SLC24A2: variants seen among roughly 807,000 people sequenced by gnomAD.
SLC24A2 encodes the protein sodium/potassium/calcium exchanger 2.
Under a neutral mutation model 62.0 loss-of-function variants are expected in SLC24A2, and 36 were observed. The observed-to-expected ratio is 0.58, with a 90% confidence interval of 0.44 to 0.77. The LOEUF is 0.77. SLC24A2 is among the 30% of genes least tolerant of loss of function. SLC24A2 has a pLI of 0.00. For missense variants in SLC24A2, 846 were observed against 817.9 expected, an observed-to-expected ratio of 1.03 and a Z score of -0.42; for synonymous variants, 358 against 294.0, an observed-to-expected ratio of 1.22 and a Z score of -2.23.
the SLC24A2 span, among the ~76,000 whole-genome samples, chr9:19,863,088 G>A: frequency 6.6e-4 from 101 of 152,088 alleles, no homozygotes; most frequent in Non-Finnish European, 1.0e-3. Flanking sequence ...CCAAAAAAGA[G>A]CAGGAGTTGC....
chr9:20,014,795 G>C, the SLC24A2 span, among the ~76,000 whole-genome samples: 1 of 151,986 alleles, frequency 6.6e-6, no homozygotes, highest in East Asian at 1.9e-4. Context: ...TAGACAGAAG[G>C]AATAGCTTTT....
chr9:19,965,499 C>G, the SLC24A2 span, among the ~76,000 whole-genome samples: 2 of 152,132 alleles, frequency 1.3e-5, no homozygotes, highest in African/African-American at 4.8e-5. Context: ...AATAGAAGCT[C>G]TGAGAAAATA....
chr9:20,015,724 T>C, the SLC24A2 span, among the ~76,000 whole-genome samples: 1 of 152,164 alleles, frequency 6.6e-6, no homozygotes, highest in African/African-American at 2.4e-5. Flanking sequence ...AGACAGGAAA[T>C]GGGTGGTGGA....
At chr9:20,288,910 G>T in the SLC24A2 span, among the ~76,000 whole-genome samples, 1 of 152,146 alleles carries the variant, frequency 6.6e-6, no homozygotes, top group Non-Finnish European at 1.5e-5. Flanking sequence ...GTCATATGTA[G>T]GTGTTCCAGC....
At chr9:20,178,674 A>T in the SLC24A2 span, among the ~76,000 whole-genome samples, 2 of 152,174 alleles carry the variant, frequency 1.3e-5, no homozygotes, top group African/African-American at 2.4e-5. Flanking sequence ...TAAACTTAAC[A>T]GAGCTCACCT....
chr9:20,196,771 C>T, the SLC24A2 span, among the ~76,000 whole-genome samples: 8 of 152,136 alleles, frequency 5.3e-5, no homozygotes, highest in African/African-American at 1.7e-4. Flanking sequence ...AAAGCAAGCT[C>T]ACTGTGGAAA....
At chr9:19,763,426 C>T (rs548724829) in intron 2 of SLC24A2, among the ~76,000 whole-genome samples, 2 of 152,296 alleles carry the variant, frequency 1.3e-5, no homozygotes, top group East Asian at 3.9e-4. Flanking sequence ...CAGCTTTTGT[C>T]CATTCAGTAT....
At chr9:19,589,758 TTGG>T (rs1385930267) in intron 5 of SLC24A2, among the ~76,000 whole-genome samples, 1 of 152,178 alleles carries the variant, frequency 6.6e-6, no homozygotes, top group African/African-American at 2.4e-5. Flanking sequence ...TACCATAGTC[TTGG>T]TGGCAGCTTA....
At chr9:19,801,471 A>G in the SLC24A2 span, among the ~76,000 whole-genome samples, 52 of 152,344 alleles carry the variant, frequency 3.4e-4, no homozygotes, top group African/African-American at 1.2e-3. Context: ...TCGAGCCATA[A>G]CAAACACGGA....
At chr9:20,165,525 G>T in the SLC24A2 span, among the ~76,000 whole-genome samples, 1 of 151,774 alleles carries the variant, frequency 6.6e-6, no homozygotes, top group Non-Finnish European at 1.5e-5. Context: ...TAATAAAGTG[G>T]TATCTCAAAT....
chr9:19,534,512 C>T (rs1348970201), intron 8 of SLC24A2, among the ~76,000 whole-genome samples: 1 of 152,040 alleles, frequency 6.6e-6, no homozygotes, highest in African/African-American at 2.4e-5. Flanking sequence ...CCCCTAGCCC[C>T]CCACCCCTTG....
the SLC24A2 span, among the ~76,000 whole-genome samples, chr9:20,182,497 A>G: frequency 6.6e-6 from 1 of 152,210 alleles, no homozygotes; most frequent in Admixed American, 6.5e-5. Flanking sequence ...AACATGGATG[A>G]AGCTGGAAAC....
the SLC24A2 span, among the ~76,000 whole-genome samples, chr9:20,018,359 T>C: frequency 2.6e-5 from 4 of 152,218 alleles, no homozygotes; most frequent in Middle Eastern, 3.2e-3. Flanking sequence ...TATCTGTCTA[T>C]CAAGAGTGTA....
the SLC24A2 span, among the ~76,000 whole-genome samples, chr9:20,000,242 T>C: frequency 1.3e-5 from 2 of 152,228 alleles, no homozygotes; most frequent in Non-Finnish European, 2.9e-5. Flanking sequence ...TGCCAGAAAC[T>C]GTGCTAAGCA....
the SLC24A2 span, among the ~76,000 whole-genome samples, chr9:19,925,924 C>A: frequency 6.6e-6 from 1 of 152,142 alleles, no homozygotes; most frequent in African/African-American, 2.4e-5. Flanking sequence ...AATTTCCAAG[C>A]CAACCTCCAT....
At chr9:19,650,649 A>G (rs1421713555) in intron 2 of SLC24A2, among the ~76,000 whole-genome samples, 1 of 152,228 alleles carries the variant, frequency 6.6e-6, no homozygotes, top group African/African-American at 2.4e-5. Flanking sequence ...TCATTAAAAC[A>G]GCAATGTTCT....
chr9:19,762,793 C>G (rs1363941445), intron 2 of SLC24A2, among the ~76,000 whole-genome samples: 1 of 102,394 alleles, frequency 9.8e-6, no homozygotes, highest in African/African-American at 3.7e-5. Flanking sequence ...GCTATATGTG[C>G]TTTTTTTTTT....
the SLC24A2 span, among the ~76,000 whole-genome samples, chr9:20,095,647 C>G: frequency 6.6e-6 from 1 of 152,066 alleles, no homozygotes; most frequent in African/African-American, 2.4e-5. Flanking sequence ...TTAGGACTTA[C>G]CCATTTCCAC....
At chr9:20,171,021 C>T in the SLC24A2 span, among the ~76,000 whole-genome samples, 2 of 152,198 alleles carry the variant, frequency 1.3e-5, no homozygotes, top group South Asian at 4.1e-4. Context: ...TCAGATTTTT[C>T]AGCAGAAACC....
Sources: allele counts gnomAD v4.1 joint callset (sites outside exome capture counted in the v4.1 genomes callset), GRCh38; gene constraint gnomAD v4.1.1; transcripts MANE v1.5; gene names NCBI Gene and HGNC (gene_info 2026-07-23, HGNC 2026-07-21).